Variants in PRKAG2 observed in about 807,000 individuals in gnomAD.
The protein encoded by PRKAG2 is protein kinase AMP-activated non-catalytic subunit gamma 2.
PRKAG2 carries 26 observed loss-of-function variants against 69.6 expected under a neutral mutation model. That is an observed-to-expected ratio of 0.37 (90% CI 0.27 to 0.52). The LOEUF is 0.52. PRKAG2 is among the 20% of genes least tolerant of loss of function. PRKAG2 has a pLI of 0.90. For synonymous variants in PRKAG2, 293 were observed against 285.0 expected, an observed-to-expected ratio of 1.03 and a Z score of -0.28; for missense variants, 557 against 740.0, an observed-to-expected ratio of 0.75 and a Z score of 2.87.
intron 3 of PRKAG2, among the ~76,000 whole-genome samples, chr7:151,711,637 A>G (rs1180162312): frequency 6.6e-6 from 1 of 152,248 alleles, no homozygotes; most frequent in Non-Finnish European, 1.5e-5. Flanking sequence ...GAGGACAGCA[A>G]TATTATCCCC....
chr7:151,804,687 C>T (rs868808852), intron 1 of PRKAG2, among the ~76,000 whole-genome samples: 2 of 152,262 alleles, frequency 1.3e-5, no homozygotes, highest in South Asian at 2.1e-4. Flanking sequence ...GTTGGTAAGA[C>T]GTGGCATCTG....
At position 151,667,330 on chromosome 7, in the gene PRKAG2, C is replaced by T. The variant is rs538067580; in HGVS notation, c.684+8090G>A. ...AGTTTGTATCTGAGGGGATGCAAAC[C>T]GCAACAATCTACTTTACAGGAAGAT... is the stretch of plus-strand genomic sequence containing the variant. On this transcript the variant is annotated intron_variant, in intron 4 of 15. Transcript: ENST00000287878. Among the ~76,000 whole-genome samples the T allele has an allele frequency of 1.8e-4, 28 of 152,248 alleles. 1 individual carries two copies. In the South Asian group the frequency reaches 4.8e-3, roughly 26 times the overall value.
chr7:151,834,545 C>T (rs536488476), intron 1 of PRKAG2, among the ~76,000 whole-genome samples: 3 of 152,204 alleles, frequency 2.0e-5, no homozygotes, highest in Admixed American at 6.5e-5. Flanking sequence ...CACCGCACAG[C>T]GCACCCTCAG....
chr7:151,627,386 G>A (rs1397072239), intron 5 of PRKAG2, among the ~76,000 whole-genome samples: 1 of 152,158 alleles, frequency 6.6e-6, no homozygotes, highest in Non-Finnish European at 1.5e-5. Context: ...AGCACTTTGG[G>A]AGGCCGAGGC....
Position 151,641,244 on chromosome 7 carries a change from C to CTTTTTTT in PRKAG2, c.685-9113_685-9107dup, listed in dbSNP as rs374667332. ...AGCTTTTTTGTTCCCTTCTTTTTTC[C>CTTTTTTT]TTTTTTTTTTTTTTTTTTTTTTGAG... On this transcript the variant is annotated intron_variant, in intron 4 of 15. Coordinates refer to ENST00000287878, the MANE Select transcript of PRKAG2 (RefSeq NM_016203.4). 1.3e-3 allele frequency among the ~76,000 whole-genome samples: 138 copies of CTTTTTTT among 105,666 alleles called. 3 individuals carry two copies. The highest frequency in any genetic ancestry group is 4.6e-3 in the African/African-American group (130 of 28,406). 69.3% of individuals were successfully genotyped at this position (105,666 alleles called of 152,430 possible). A position where few individuals can be genotyped will look rare whatever the true frequency, so the allele number is the denominator to read the frequency against.
At position 151,574,987 on chromosome 7, in the gene PRKAG2, A is replaced by G. The variant is rs752882156; in HGVS notation, c.947-38T>C. On this transcript the variant is annotated intron_variant, in intron 7 of 15. Transcript: ENST00000287878. ...ATTACATGTTACAAATAAAACCATGAAAACATTTTTAAAAATTTCAAATGA... is the reference window on the plus strand; with the variant it reads ...ATTACATGTTACAAATAAAACCATGGAAACATTTTTAAAAATTTCAAATGA... 18 of 1,609,516 alleles carry G rather than the reference A, an allele frequency of 1.1e-5. No homozygotes were observed. The South Asian group carries it at 2.0e-4, about 18-fold the overall frequency.
intron 5 of PRKAG2, among the ~76,000 whole-genome samples, chr7:151,623,404 T>C (rs1410500595): frequency 1.9e-5 from 2 of 102,910 alleles, no homozygotes; most frequent in Non-Finnish European, 4.2e-5. Flanking sequence ...TCATAAAGAG[T>C]GTGCAACCTA....
rs562435683 is a variant in PRKAG2, at chr7:151,690,332, T to G, written c.467-14695A>C. ...TTCGCGGGGAGGGAGAACTCAGCCC[T>G]CTGTTTGCATGATCTGAGGCTCTGG... On this transcript the variant is annotated intron_variant, in intron 3 of 15. Coordinates refer to ENST00000287878, the MANE Select transcript of PRKAG2 (RefSeq NM_016203.4). 2.6e-5 allele frequency among the ~76,000 whole-genome samples: 4 copies of G among 152,294 alleles called. No individual in the cohort carries two copies. In the South Asian group the frequency reaches 8.3e-4, roughly 32 times the overall value.
At chr7:151,630,768 G>A (rs1294844349) in intron 5 of PRKAG2, among the ~76,000 whole-genome samples, 1 of 152,210 alleles carries the variant, frequency 6.6e-6, no homozygotes, top group Admixed American at 6.5e-5. Flanking sequence ...GTGGACAGCG[G>A]CCAAGATTTG....
intron 6 of PRKAG2, among the ~76,000 whole-genome samples, chr7:151,589,760 C>A (rs1812606067): frequency 6.6e-6 from 1 of 152,116 alleles, no homozygotes; most frequent in South Asian, 2.1e-4. Flanking sequence ...AAAGTGAAAC[C>A]CCATCTCTAC....
At position 151,577,107 on chromosome 7, in the gene PRKAG2, G is replaced by A. The variant is rs374214318; in HGVS notation, c.865-655C>T. ...CCTACATGTGGTTATTAATTCATCT[G>A]AAAACACTGAAGTTGTATCAAATTA... On this transcript the variant is annotated intron_variant, in intron 6 of 15. Transcript: ENST00000287878. Among the ~76,000 whole-genome samples, 20 of 151,208 alleles carry A rather than the reference G, an allele frequency of 1.3e-4. No homozygotes were observed. The East Asian group carries it at 3.9e-3, about 29-fold the overall frequency.
intron 3 of PRKAG2, among the ~76,000 whole-genome samples, chr7:151,754,262 G>A (rs530931432): frequency 6.1e-4 from 93 of 152,366 alleles, no homozygotes; most frequent in African/African-American, 2.1e-3. Context: ...CCAGGCTGGC[G>A]CCAGAGGGCG....
intron 15 of PRKAG2, chr7:151,558,168 T>C (rs954069933): frequency 2.1e-4 from 203 of 985,320 alleles, no homozygotes; most frequent in Non-Finnish European, 2.3e-4. Flanking sequence ...AGTTTGACAA[T>C]GAACTGTTGC....
chr7:151,849,584 G>A (rs2079522559), intron 1 of PRKAG2, among the ~76,000 whole-genome samples: 1 of 152,208 alleles, frequency 6.6e-6, no homozygotes, highest in African/African-American at 2.4e-5. Flanking sequence ...CAGGCCTGAA[G>A]TCCAAGATCA....
At chr7:151,663,301 T>C (rs1830585630) in intron 4 of PRKAG2, among the ~76,000 whole-genome samples, 1 of 152,176 alleles carries the variant, frequency 6.6e-6, no homozygotes, top group Non-Finnish European at 1.5e-5. Flanking sequence ...TGTAATTCTA[T>C]AACGCTCTGA....
chr7:151,834,634 A>C (rs528513818), intron 1 of PRKAG2, among the ~76,000 whole-genome samples: 1 of 152,208 alleles, frequency 6.6e-6, no homozygotes, highest in Non-Finnish European at 1.5e-5. Context: ...ACTTGCTGGA[A>C]TGTGGACCAT....
At position 151,694,101 on chromosome 7, in the gene PRKAG2, C is replaced by T. The variant is rs536371201; in HGVS notation, c.467-18464G>A. ...GTTGGCCAGGCTGGTCTTGAACTCC[C>T]GACCTCGAGTGATCTGCCCGCCTCA... On this transcript the variant is annotated intron_variant, in intron 3 of 15. Coordinates refer to ENST00000287878, the MANE Select transcript of PRKAG2 (RefSeq NM_016203.4). 2.8e-4 allele frequency among the ~76,000 whole-genome samples: 42 copies of T among 152,218 alleles called. No individual in the cohort carries two copies. The South Asian group carries it at 6.4e-3, about 23-fold the overall frequency.
intron 1 of PRKAG2, among the ~76,000 whole-genome samples, chr7:151,808,696 CA>C (rs2078250355): frequency 6.7e-6 from 1 of 150,340 alleles, no homozygotes; most frequent in Admixed American, 6.6e-5. Flanking sequence ...GGAAGGTGAA[CA>C]GGAGAAAAAA....
chr7:151,609,140 A>G (rs751144222), intron 5 of PRKAG2, among the ~76,000 whole-genome samples: 6 of 152,348 alleles, frequency 3.9e-5, no homozygotes, highest in Non-Finnish European at 5.9e-5. Flanking sequence ...GTTGAATTGA[A>G]TAAGATTGCA....
Sources: gnomAD v4.1 joint callset for allele counts (sites outside exome capture counted in the v4.1 genomes callset) on GRCh38, gnomAD v4.1.1 for gene constraint, MANE v1.5 for transcripts, NCBI Gene and HGNC (gene_info 2026-07-23, HGNC 2026-07-21) for gene names.